The following ABR variants were observed in gnomAD, a reference collection of about 807,000 sequenced individuals.
ABR encodes active breakpoint cluster region-related protein.
ABR carries 35 observed loss-of-function variants against 107.2 expected under a neutral mutation model. The ratio of observed to expected loss-of-function variants is 0.33; its 90% CI spans 0.25 to 0.43. ABR has a LOEUF of 0.43. Ranked by LOEUF, ABR falls within the 20% of genes least tolerant of loss-of-function variation. ABR has a pLI of 1.00. For synonymous variants in ABR, 498 were observed against 462.0 expected (o/e 1.08, Z -1.00); for missense variants, 815 against 1,115.2 (o/e 0.73, Z 3.83).
rs1247450906 is a variant in ABR at position 1,150,843 on chromosome 17, G to A, written c.62-25476C>T. Among the ~76,000 whole-genome samples, 3 of 152,240 alleles carry A rather than the reference G, an allele frequency of 2.0e-5. No individual in the cohort carries two copies. The highest frequency in any genetic ancestry group is 4.1e-4 in the South Asian group (2 of 4,820). On this transcript the variant is annotated intron_variant, in intron 1 of 22. Transcript: ENST00000302538. The surrounding 1 kb of genome is among the most constrained non-coding windows in gnomAD (Gnocchi z 4.8). Reference sequence around the variant, plus strand: ...CAGCCATCAACACACAGAGGCCCACGAGCCCATTCCTGAGCCTCCCTCCCT... The same window carrying A: ...CAGCCATCAACACACAGAGGCCCACAAGCCCATTCCTGAGCCTCCCTCCCT...
At position 1,199,592 on chromosome 17, in the gene ABR, A is replaced by T. The variant is rs909866067; in HGVS notation, c.838+29201T>A. ...GCCTCCCAAGTAGCTAGGATTACAG[A>T]CGCCCGCCACCACGCCCGGCTAATT... On this transcript the variant is annotated intron_variant, in intron 1 of 22. Transcript: ENST00000574139. 1.9e-4 allele frequency among the ~76,000 whole-genome samples: 29 copies of T among 149,296 alleles called. 2 individuals are homozygous for T. Among genetic ancestry groups the T allele is most frequent in the African/African-American group, 6.9e-4 (27 of 39,268 alleles).
intron 2 of ABR, among the ~76,000 whole-genome samples, chr17:1,120,384 C>T (rs1418212120): frequency 2.0e-5 from 3 of 152,190 alleles, no homozygotes; most frequent in African/African-American, 7.2e-5. Flanking sequence ...AGCAATTCTC[C>T]TGCCTCAGTC....
At chr17:1,057,140 T>C (rs2033370406) in intron 12 of ABR, 38 bp from the exon 13 acceptor site, 4 of 1,423,756 alleles carry the variant, frequency 2.8e-6, no homozygotes, top group Non-Finnish European at 4.0e-6. Flanking sequence ...GCGTGGGCAC[T>C]GGTCCACCAG....
intron 1 of ABR, among the ~76,000 whole-genome samples, chr17:1,194,191 TTTGA>T (rs1258172777): frequency 1.3e-5 from 2 of 151,828 alleles, no homozygotes; most frequent in Non-Finnish European, 2.9e-5. Context: ...TTATTTATAT[TTTGA>T]TTGATTGATT....
intron 3 of ABR, among the ~76,000 whole-genome samples, chr17:1,097,846 G>A (rs117424030): frequency 5.8e-4 from 89 of 152,262 alleles, no homozygotes; most frequent in Non-Finnish European, 1.1e-3. Context: ...TTTGGAAGAC[G>A]TGTTTCACGA....
At chr17:1,020,227 C>G (rs1021222497) in intron 16 of ABR, among the ~76,000 whole-genome samples, 1 of 152,172 alleles carries the variant, frequency 6.6e-6, no homozygotes, top group African/African-American at 2.4e-5. Flanking sequence ...GGGCTACAGG[C>G]ACGAGCCACC....
chr17:1,101,997 T>G (rs1031113336), intron 2 of ABR, among the ~76,000 whole-genome samples: 1 of 152,136 alleles, frequency 6.6e-6, no homozygotes, highest in Non-Finnish European at 1.5e-5. Context: ...CCTCCCAAAG[T>G]GCTGGGATTA....
chr17:1,218,269 T>C (rs1330262894), intron 1 of ABR, among the ~76,000 whole-genome samples: 1 of 152,220 alleles, frequency 6.6e-6, no homozygotes, highest in Non-Finnish European at 1.5e-5. Context: ...GGACACAAAA[T>C]AACAAGTGGC....
intron 1 of ABR, among the ~76,000 whole-genome samples, chr17:1,223,194 C>A (rs1438489943): frequency 1.3e-5 from 2 of 151,668 alleles, no homozygotes; most frequent in Admixed American, 6.6e-5. Context: ...AAGAGCCATA[C>A]TCCATCTCAA....
rs184737907 is a variant in ABR, at chr17:1,103,594, C to T, written c.247-2859G>A. On this transcript the variant is annotated intron_variant, in intron 2 of 22. Transcript: ENST00000302538. ...GGCACGAGCATAGACCCTGGAAGCC[C>T]TGTAATCGCCCATTTCTGCAAGATC... 1.7e-4 allele frequency among the ~76,000 whole-genome samples: 26 copies of T among 152,272 alleles called. No individual in the cohort carries two copies. The East Asian group carries it at 4.0e-3, about 24-fold the overall frequency.
At chr17:1,225,287 T>C (rs2043193835) in intron 1 of ABR, among the ~76,000 whole-genome samples, 1 of 152,042 alleles carries the variant, frequency 6.6e-6, no homozygotes, top group Non-Finnish European at 1.5e-5. Context: ...TGTGAGCCAT[T>C]GTACCAGCCA....
rs761389541 is a variant in ABR at position 1,157,466 on chromosome 17, G to C, written c.61+22201C>G. The stretch of plus-strand genomic sequence containing the variant: ...GGGTCTCACCATGTTGGCCAGGCTG[G>C]TCTCGAACTCCTGACCTCATGTGAT... On this transcript the variant is annotated intron_variant, in intron 1 of 22. Coordinates refer to ENST00000302538, the MANE Select transcript of ABR (RefSeq NM_021962.5). The surrounding 1 kb of genome is among the most constrained non-coding windows in gnomAD (Gnocchi z 4.7). 6.6e-6 allele frequency among the ~76,000 whole-genome samples: 1 copy of C among 152,108 alleles called. No homozygotes were observed. The highest frequency in any genetic ancestry group is 1.5e-5 in the Non-Finnish European group (1 of 68,018).
chr17:1,088,913 T>TTG (rs1555570939), intron 4 of ABR, among the ~76,000 whole-genome samples: 53 of 146,282 alleles, frequency 3.6e-4, no homozygotes, highest in Non-Finnish European at 7.0e-4. Context: ...TTTTTTTTTT[T>TTG]GAGACAGAGT....
intron 16 of ABR, among the ~76,000 whole-genome samples, chr17:1,014,565 A>G (rs1032447772): frequency 6.6e-6 from 1 of 151,106 alleles, no homozygotes; most frequent in Admixed American, 6.6e-5. Flanking sequence ...CAGGCCAGGC[A>G]CGGTGGCTCA....
At chr17:1,203,983 T>C (rs1203458463) in intron 1 of ABR, among the ~76,000 whole-genome samples, 1 of 151,888 alleles carries the variant, frequency 6.6e-6, no homozygotes, top group African/African-American at 2.4e-5. Context: ...ACGGGGGAAA[T>C]CCCTGGAGCC....
At position 1,140,490 on chromosome 17, in the gene ABR, G is replaced by A. The variant is rs201272062; in HGVS notation, c.62-15123C>T. ...CCACCTGTACCAGATCAGCCTGTCC[G>A]GGGCAATTTCAGCAGGGATGGTGGC... On this transcript the variant is annotated intron_variant, in intron 1 of 22. Coordinates refer to ENST00000302538, the MANE Select transcript of ABR (RefSeq NM_021962.5). Among the ~76,000 whole-genome samples, 23 of 152,326 alleles carry A rather than the reference G, an allele frequency of 1.5e-4. No homozygotes were observed. The East Asian group carries it at 2.9e-3, about 19-fold the overall frequency.
intron 1 of ABR, among the ~76,000 whole-genome samples, chr17:1,145,530 A>G (rs1597965418): frequency 6.6e-6 from 1 of 152,196 alleles, no homozygotes; most frequent in Non-Finnish European, 1.5e-5. Flanking sequence ...GGACCTTTCA[A>G]TCCAACGGTG....
At position 1,125,270 on chromosome 17, in the gene ABR, C is replaced by A; in HGVS notation, c.159G>T (p.Ser53=). The A allele has an allele frequency of 6.2e-7, 1 of 1,613,484 alleles. No individual in the cohort carries two copies. The highest frequency in any genetic ancestry group is 2.2e-5 in the East Asian group (1 of 44,840). The change falls in exon 2 of 23, where the codon TCG becomes TCT. Residue 53 remains serine, a synonymous_variant. Coordinates refer to ENST00000302538, the MANE Select transcript of ABR (RefSeq NM_021962.5). ...CGCTGAGCTGCGGGGACATGGTGGG[C>A]GACTCATCGATGTACGGCATGGTCT... ...GSETMPYIDE[S]PTMSPQLSAR... is the part of the protein sequence containing the mutation.
intron 16 of ABR, chr17:1,022,429 C>T (rs147324059): frequency 0.011 from 1,666 of 153,118 alleles, 39 homozygotes; most frequent in African/African-American, 0.037. Flanking sequence ...GTGAGAGGCA[C>T]GGCGGGGCTG....
Sources: gnomAD v4.1 joint callset for allele counts (sites outside exome capture counted in the v4.1 genomes callset) on GRCh38, gnomAD v4.1.1 for gene constraint, Gnocchi (gnomAD v3.1) non-coding constraint, MANE v1.5 for transcripts, NCBI Gene and HGNC (gene_info 2026-07-23, HGNC 2026-07-21) for gene names.